Variants in MBD5 observed in about 807,000 individuals in gnomAD.
MBD5 encodes the protein methyl-CpG binding domain protein 5.
A neutral mutation model predicts 117.3 loss-of-function variants in MBD5; 13 were observed. The ratio of observed to expected loss-of-function variants is 0.11; its 90% CI spans 0.07 to 0.18. The LOEUF (loss-of-function observed/expected upper bound fraction) is 0.18, where lower values mean the gene tolerates loss of function less well. MBD5 is among the 10% of genes least tolerant of loss of function. MBD5 has a pLI of 1.00. For synonymous variants in MBD5, 727 were observed against 766.4 expected (o/e 0.95, Z 0.85); for missense variants, 1,879 against 2,093.8 (o/e 0.90, Z 2.00).
chr2:148,461,723 T>C (rs1437380911), intron 5 of MBD5, among the ~76,000 whole-genome samples: 1 of 152,194 alleles, frequency 6.6e-6, no homozygotes, highest in Admixed American at 6.5e-5. Flanking sequence ...AGATTGTCCA[T>C]CTCACATAAA....
intron 4 of MBD5, among the ~76,000 whole-genome samples, chr2:148,386,961 G>A (rs1320839968): frequency 6.6e-6 from 1 of 152,138 alleles, no homozygotes; most frequent in Non-Finnish European, 1.5e-5. Flanking sequence ...CTACATGGCT[G>A]TAACTGACCC....
At chr2:148,366,500 T>G (rs1236736476) in intron 4 of MBD5, among the ~76,000 whole-genome samples, 1 of 152,032 alleles carries the variant, frequency 6.6e-6, no homozygotes, top group Non-Finnish European at 1.5e-5. Context: ...GAGAAAGAAA[T>G]AAAGGGTATT....
chr2:148,506,135 C>T (rs1368912764), intron 12 of MBD5, among the ~76,000 whole-genome samples: 2 of 152,170 alleles, frequency 1.3e-5, no homozygotes, highest in Non-Finnish European at 2.9e-5. Context: ...TCCTCAGTAT[C>T]CTCAATCAAA....
intron 1 of MBD5, among the ~76,000 whole-genome samples, chr2:148,139,985 A>C (rs1399311279): frequency 6.6e-6 from 1 of 152,196 alleles, no homozygotes; most frequent in African/African-American, 2.4e-5. Flanking sequence ...TTGCCGTGAA[A>C]ATGATTACAT....
At chr2:148,031,012 T>G (rs1305338214) in intron 1 of MBD5, among the ~76,000 whole-genome samples, 2 of 152,112 alleles carry the variant, frequency 1.3e-5, no homozygotes, top group Admixed American at 6.5e-5. Context: ...AAATATAGAC[T>G]GGGCTGCTGG....
chr2:148,494,246 A>G (rs1010253796), intron 11 of MBD5, among the ~76,000 whole-genome samples: 5 of 152,232 alleles, frequency 3.3e-5, no homozygotes, highest in Admixed American at 2.6e-4. Flanking sequence ...TAAGGATTAC[A>G]GTCAATGAAT....
chr2:148,049,915 T>C (rs1465352494), intron 1 of MBD5, among the ~76,000 whole-genome samples: 1 of 152,234 alleles, frequency 6.6e-6, no homozygotes, highest in African/African-American at 2.4e-5. Context: ...TAAGTAATTT[T>C]TCATATGAGG....
At chr2:148,221,276 G>T (rs1373047532) in intron 2 of MBD5, among the ~76,000 whole-genome samples, 1 of 152,054 alleles carries the variant, frequency 6.6e-6, no homozygotes, top group African/African-American at 2.4e-5. Flanking sequence ...TTTCTTTTGG[G>T]TATATACCCA....
intron 3 of MBD5, among the ~76,000 whole-genome samples, chr2:148,294,475 C>T (rs1402036885): frequency 1.5e-5 from 2 of 130,986 alleles, no homozygotes; most frequent in African/African-American, 6.1e-5. Flanking sequence ...CCGCCTGCCT[C>T]GGCCTCCCAA....
At chr2:148,309,081 G>C (rs2106519003) in intron 3 of MBD5, among the ~76,000 whole-genome samples, 1 of 152,290 alleles carries the variant, frequency 6.6e-6, no homozygotes, top group East Asian at 1.9e-4. Context: ...TTGAAGTCAA[G>C]TAGCATGATG....
At chr2:148,202,164 C>A (rs867949603) in intron 2 of MBD5, among the ~76,000 whole-genome samples, 1 of 152,096 alleles carries the variant, frequency 6.6e-6, no homozygotes, top group South Asian at 2.1e-4. Flanking sequence ...AGCTTACTAC[C>A]TTATTAGGGA....
At chr2:148,300,636 G>A (rs932644200) in intron 3 of MBD5, among the ~76,000 whole-genome samples, 2 of 152,100 alleles carry the variant, frequency 1.3e-5, no homozygotes, top group Non-Finnish European at 2.9e-5. Flanking sequence ...GGTTTAGGGA[G>A]TACCCTACAC....
At chr2:148,340,178 C>A (rs16828564) in intron 3 of MBD5, among the ~76,000 whole-genome samples, 27,008 of 152,064 alleles carry the variant, frequency 0.18, 2,560 homozygotes, top group Non-Finnish European at 0.18. Context: ...AATTTCAAAT[C>A]TCTATGAGGC....
chr2:148,122,123 G>A (rs1424810004), intron 1 of MBD5, among the ~76,000 whole-genome samples: 1 of 151,996 alleles, frequency 6.6e-6, no homozygotes, highest in Non-Finnish European at 1.5e-5. Flanking sequence ...TTTTTGGTCA[G>A]AAATAAATTT....
chr2:148,423,313 T>A (rs1197339927), intron 4 of MBD5, among the ~76,000 whole-genome samples: 4 of 151,952 alleles, frequency 2.6e-5, no homozygotes, highest in Non-Finnish European at 2.9e-5. Flanking sequence ...CTTTTTTTTT[T>A]AAAGGCTAAA....
intron 4 of MBD5, among the ~76,000 whole-genome samples, chr2:148,386,943 C>G (rs531638849): frequency 1.3e-5 from 2 of 152,026 alleles, no homozygotes; most frequent in Non-Finnish European, 2.9e-5. Flanking sequence ...AAATAAAAAG[C>G]TTCAGGCCTA....
intron 4 of MBD5, among the ~76,000 whole-genome samples, chr2:148,435,872 T>A (rs1201770389): frequency 6.6e-6 from 1 of 152,196 alleles, no homozygotes; most frequent in Non-Finnish European, 1.5e-5. Flanking sequence ...CTCTTTCCAT[T>A]CTGTCTGTGT....
chr2:148,169,726 A>C (rs1277011675), intron 1 of MBD5, among the ~76,000 whole-genome samples: 1 of 152,058 alleles, frequency 6.6e-6, no homozygotes, highest in Non-Finnish European at 1.5e-5. Flanking sequence ...TTTCACAGAG[A>C]TCTTTAGATT....
At chr2:148,235,404 C>T (rs1012352221) in intron 3 of MBD5, among the ~76,000 whole-genome samples, 1 of 152,132 alleles carries the variant, frequency 6.6e-6, no homozygotes, top group Non-Finnish European at 1.5e-5. Flanking sequence ...ATAGCTTTAA[C>T]TTATTAAGAA....
Sources: gnomAD v4.1 joint callset for allele counts (sites outside exome capture counted in the v4.1 genomes callset) on GRCh38, gnomAD v4.1.1 for gene constraint, MANE v1.5 for transcripts, NCBI Gene and HGNC (gene_info 2026-07-23, HGNC 2026-07-21) for gene names.